The following TTC39C variants were observed in gnomAD, a reference collection of about 807,000 sequenced individuals.
TTC39C encodes tetratricopeptide repeat protein 39C.
A neutral mutation model predicts 76.3 loss-of-function variants in TTC39C; 33 were observed. The ratio of observed to expected loss-of-function variants is 0.43; its 90% CI spans 0.33 to 0.58. TTC39C has a LOEUF of 0.58. Among genes scored for constraint, TTC39C ranks in the 20% least tolerant of loss-of-function variants. The pLI, the probability that TTC39C is intolerant of heterozygous loss-of-function variation, is 0.04. For missense variants in TTC39C, 595 were observed against 701.4 expected (o/e 0.85, Z 1.71); for synonymous variants, 254 against 260.6 (o/e 0.97, Z 0.24).
intron 6 of TTC39C, among the ~76,000 whole-genome samples, chr18:24,104,002 G>T (rs1166618711): frequency 6.6e-6 from 1 of 151,454 alleles, no homozygotes; most frequent in Non-Finnish European, 1.5e-5. Context: ...TGCCATCTCG[G>T]CTCATTGCAA....
chr18:24,112,715 T>G (rs1413817470), intron 6 of TTC39C, among the ~76,000 whole-genome samples: 1 of 152,194 alleles, frequency 6.6e-6, no homozygotes, highest in Admixed American at 6.5e-5. Context: ...TCGGTGGTGA[T>G]GGCCCATCTA....
At chr18:24,085,071 G>A (rs1192450340) in intron 6 of TTC39C, among the ~76,000 whole-genome samples, 11 of 152,226 alleles carry the variant, frequency 7.2e-5, no homozygotes, top group African/African-American at 1.9e-4. Context: ...GTGTTTAACA[G>A]AGATTTGCTG....
chr18:24,054,712 G>A (rs1462163778), intron 1 of TTC39C, among the ~76,000 whole-genome samples: 2 of 152,184 alleles, frequency 1.3e-5, no homozygotes, highest in Non-Finnish European at 2.9e-5. Flanking sequence ...ATTATAGAAA[G>A]TTTTTTCAAT....
At chr18:24,069,314 C>A in intron 4 of TTC39C, 43 bp downstream of exon 4, 1 of 1,508,424 alleles carries the variant, frequency 6.6e-7, no homozygotes, top group Non-Finnish European at 9.2e-7. Flanking sequence ...GTATTCAGTG[C>A]ACACAATTAG....
At chr18:24,021,625 A>G (rs2083519433) in intron 1 of TTC39C, among the ~76,000 whole-genome samples, 2 of 141,572 alleles carry the variant, frequency 1.4e-5, no homozygotes, top group South Asian at 4.4e-4. Flanking sequence ...GGCTCACTGC[A>G]ACCTCCGCCT....
intron 1 of TTC39C, among the ~76,000 whole-genome samples, chr18:24,004,432 G>A (rs2083336372): frequency 6.6e-6 from 1 of 152,184 alleles, no homozygotes; most frequent in Non-Finnish European, 1.5e-5. Context: ...ACAGCCAAAT[G>A]TTCTGAGTCT....
chr18:24,087,194 A>C (rs955367490), intron 6 of TTC39C, among the ~76,000 whole-genome samples: 2 of 152,236 alleles, frequency 1.3e-5, no homozygotes, highest in Non-Finnish European at 2.9e-5. Context: ...TCATTCAGTT[A>C]GACCTATGGT....
chr18:24,045,910 TATATATATATATA>T (rs1409404015), intron 1 of TTC39C, among the ~76,000 whole-genome samples: 666 of 35,160 alleles, frequency 0.019, 3 homozygotes, highest in Non-Finnish European at 0.021. Context: ...TATATATATA[TATATATATATATA>T]TATATTTTTT....
chr18:24,056,520 G>A (rs4800539), intron 1 of TTC39C, among the ~76,000 whole-genome samples: 142,967 of 152,166 alleles, frequency 0.94, 67,727 homozygotes, highest in East Asian at 1. Flanking sequence ...CTGCTTACCT[G>A]AGTGAGAAAT....
chr18:24,127,511 G>A (rs565132135), intron 10 of TTC39C, among the ~76,000 whole-genome samples: 1 of 151,988 alleles, frequency 6.6e-6, no homozygotes, highest in Admixed American at 6.6e-5. Context: ...GTCGTTTTTT[G>A]TTGTTGTTTG....
chr18:24,125,584 T>G (rs2085040571), intron 10 of TTC39C, 34 bp downstream of exon 10: 2 of 1,612,340 alleles, frequency 1.2e-6, no homozygotes, highest in Non-Finnish European at 1.7e-6. Context: ...AACTGTCTAC[T>G]GGACACACTG....
chr18:24,123,476 G>A (rs113901392), intron 8 of TTC39C: 43 of 175,930 alleles, frequency 2.4e-4, no homozygotes, highest in Non-Finnish European at 3.7e-4. Context: ...GTGCGATCTC[G>A]GCTCATTGCA....
intron 1 of TTC39C, among the ~76,000 whole-genome samples, chr18:24,040,238 C>T (rs1318426978): frequency 6.6e-6 from 1 of 152,196 alleles, no homozygotes; most frequent in East Asian, 1.9e-4. Context: ...CTGAGGCTTT[C>T]GCTTTGTGAG....
At chr18:24,107,888 A>AGGC (rs1555776833) in intron 6 of TTC39C, among the ~76,000 whole-genome samples, 5 of 136,400 alleles carry the variant, frequency 3.7e-5, no homozygotes, top group Non-Finnish European at 7.6e-5. Flanking sequence ...CCTCCCAAGT[A>AGGC]GGGGGGGGGG....
intron 11 of TTC39C, among the ~76,000 whole-genome samples, chr18:24,129,496 G>A (rs974082655): frequency 5.9e-5 from 9 of 152,046 alleles, no homozygotes; most frequent in South Asian, 2.1e-4. Context: ...TACAGTGGCC[G>A]GGCACGGTGG....
intron 6 of TTC39C, among the ~76,000 whole-genome samples, chr18:24,096,853 CAGACTCTTTTGTA>C (rs1378718873): frequency 6.6e-6 from 1 of 152,136 alleles, no homozygotes; most frequent in African/African-American, 2.4e-5. Flanking sequence ...TACCAAGTTC[CAGACTCTTTTGTA>C]AGCGATGATA....
chr18:24,108,039 A>T (rs2084769609), intron 6 of TTC39C, among the ~76,000 whole-genome samples: 1 of 152,266 alleles, frequency 6.6e-6, no homozygotes, highest in Admixed American at 6.5e-5. Context: ...TATGTTTTAC[A>T]AACTGCGAAC....
chr18:24,103,031 G>T (rs2084698777), intron 6 of TTC39C, among the ~76,000 whole-genome samples: 1 of 152,164 alleles, frequency 6.6e-6, no homozygotes. Context: ...GAGCCTAGGA[G>T]GCGGAGGTTG....
At chr18:24,019,778 G>A (rs970079508) in intron 1 of TTC39C, 1 of 1,115,646 alleles carries the variant, frequency 9.0e-7, no homozygotes, top group African/African-American at 1.6e-5. Context: ...GGTTGCTTGT[G>A]CACTACACCT....
Sources: gnomAD v4.1 joint callset for allele counts (sites outside exome capture counted in the v4.1 genomes callset) on GRCh38, gnomAD v4.1.1 for gene constraint, MANE v1.5 for transcripts, NCBI Gene and HGNC (gene_info 2026-07-23, HGNC 2026-07-21) for gene names.